Variants in LRRC27 observed in about 807,000 individuals in gnomAD.
LRRC27 encodes leucine-rich repeat-containing protein 27.
LRRC27 carries 57 observed loss-of-function variants against 55.0 expected under a neutral mutation model. The observed-to-expected ratio is 1.04, with a 90% confidence interval of 0.84 to 1.29. The LOEUF (loss-of-function observed/expected upper bound fraction) is 1.29. Ranked by LOEUF, LRRC27 falls within the 50% of genes most tolerant of loss-of-function variation. LRRC27 has a pLI of 0.00. For synonymous variants in LRRC27, 278 were observed against 251.9 expected (o/e 1.10, Z -0.98); for missense variants, 721 against 651.5 (o/e 1.11, Z -1.16).
intron 9 of LRRC27, among the ~76,000 whole-genome samples, chr10:132,362,669 CACCA>C (rs2068683271): frequency 7.9e-6 from 1 of 125,880 alleles, no homozygotes; most frequent in South Asian, 2.9e-4. Context: ...TCTCACCTCA[CACCA>C]GCTCGGGGGG....
At chr10:132,362,084 G>T (rs1377764749) in intron 9 of LRRC27, among the ~76,000 whole-genome samples, 1 of 152,230 alleles carries the variant, frequency 6.6e-6, no homozygotes, top group Non-Finnish European at 1.5e-5. Context: ...GTTGACCCAG[G>T]TGAAGGGGAC....
intron 2 of LRRC27, chr10:132,335,061 A>C (rs1368143541): frequency 6.6e-6 from 1 of 152,222 alleles, no homozygotes; most frequent in African/African-American, 2.4e-5. Context: ...GAAAGATGGA[A>C]TTTGTATTGT....
intron 9 of LRRC27, among the ~76,000 whole-genome samples, chr10:132,363,258 C>T (rs1282076723): frequency 6.6e-6 from 1 of 151,188 alleles, no homozygotes; most frequent in Non-Finnish European, 1.5e-5. Context: ...CATGAACCCT[C>T]TCACCTCACA....
chr10:132,363,838 C>A (rs998823829), intron 9 of LRRC27, among the ~76,000 whole-genome samples: 1 of 152,080 alleles, frequency 6.6e-6, no homozygotes, highest in African/African-American at 2.4e-5. Flanking sequence ...ATGTGGGTGA[C>A]AAAGGGCATG....
chr10:132,367,047 G>C (rs1323110189), intron 10 of LRRC27: 1 of 1,060,836 alleles, frequency 9.4e-7, no homozygotes. Context: ...CCCAAACCCT[G>C]CCTCTTAGGG....
intron 5 of LRRC27, among the ~76,000 whole-genome samples, chr10:132,347,039 T>C (rs988431880): frequency 2.0e-5 from 3 of 152,120 alleles, no homozygotes; most frequent in Non-Finnish European, 4.4e-5. Context: ...GGCCAATAGG[T>C]CCCAGTGGCT....
chr10:132,343,301 C>G (rs1015901115), intron 4 of LRRC27, among the ~76,000 whole-genome samples: 1 of 151,972 alleles, frequency 6.6e-6, no homozygotes, highest in Non-Finnish European at 1.5e-5. Flanking sequence ...GACAACAGGG[C>G]GAGACCCTCT....
In LRRC27 at chr10:132,380,531, C is replaced by T. The variant is rs572177155; in HGVS notation, c.*5289C>T. On this transcript the variant is annotated 3_prime_UTR_variant, in exon 11 of 11. Coordinates refer to ENST00000368614, the MANE Select transcript of LRRC27 (RefSeq NM_030626.3). ...TGTTTTAACTGGACATGGTGGCACA[C>T]GCCTGCAGTCCCAGCTACTCAGGAG... is the stretch of plus-strand genomic sequence containing the variant. Among the ~76,000 whole-genome samples, 5 of 151,674 alleles carry T rather than the reference C, an allele frequency of 3.3e-5. No homozygotes were observed. The highest frequency in any genetic ancestry group is 1.9e-4 in the East Asian group (1 of 5,142).
At chr10:132,375,031 C>T in intron 10 of LRRC27, 35 bp from the exon 11 acceptor site, 2 of 1,587,032 alleles carry the variant, frequency 1.3e-6, no homozygotes, top group Middle Eastern at 2.2e-4. Context: ...TCCTGCCAGC[C>T]TTTCTAACAT....
At chr10:132,339,767 G>C (rs1411058756) in intron 3 of LRRC27, among the ~76,000 whole-genome samples, 2 of 152,246 alleles carry the variant, frequency 1.3e-5, no homozygotes, top group Admixed American at 6.5e-5. Flanking sequence ...TGGAGAGTAA[G>C]TGCTACTCAG....
chr10:132,333,857 A>C (rs1341813457), intron 2 of LRRC27, 123 bp downstream of exon 2: 1 of 759,698 alleles, frequency 1.3e-6, no homozygotes, highest in African/African-American at 1.8e-5. Flanking sequence ...CTAAAATTAA[A>C]TAGAGGAAAG....
chr10:132,368,597 T>A (rs1398619057), intron 10 of LRRC27, among the ~76,000 whole-genome samples: 1 of 152,114 alleles, frequency 6.6e-6, no homozygotes, highest in Non-Finnish European at 1.5e-5. Context: ...CTGGAACAAC[T>A]GCCAAAAACA....
In LRRC27 at chr10:132,372,339, G is replaced by C. The variant is rs189004041; in HGVS notation, c.1417-2727G>C. Among the ~76,000 whole-genome samples, 1,122 of 152,288 alleles carry C rather than the reference G, an allele frequency of 7.4e-3. 7 individuals carry two copies. Among genetic ancestry groups the C allele is most frequent in the Non-Finnish European group, 0.012 (824 of 67,994 alleles). The stretch of plus-strand genomic sequence containing the variant: ...CCCAGCACTTTGGGAGGCCAAGGCA[G>C]GTGAATCACCTGAGGTCAGGAGTTT... On this transcript the variant is annotated intron_variant, in intron 10 of 10. Coordinates refer to ENST00000368614, the MANE Select transcript of LRRC27 (RefSeq NM_030626.3). The surrounding 1 kb of genome is among the most constrained non-coding windows in gnomAD (Gnocchi z 4.0).
rs543544323 is a variant in LRRC27, at chr10:132,370,980, C to T, written c.1417-4086C>T. 1.8e-4 allele frequency among the ~76,000 whole-genome samples: 28 copies of T among 152,376 alleles called. No individual in the cohort carries two copies. The South Asian group carries it at 4.3e-3, about 24-fold the overall frequency. ...GCAAACCCCGCAGCAGCGTTAGAGA[C>T]GAGTCCTGGCTCCGTGGCTGTGTGG... On this transcript the variant is annotated intron_variant, in intron 10 of 10. Transcript: ENST00000368614.
chr10:132,377,135 T>C lies in LRRC27; in HGVS notation c.*1893T>C, dbSNP rs2133119492. On this transcript the variant is annotated 3_prime_UTR_variant, in exon 11 of 11. Coordinates refer to ENST00000368614, the MANE Select transcript of LRRC27 (RefSeq NM_030626.3). ...TTTCATAATGCATCTTCTTCCCTCC[T>C]TCTACTGTACTGGATTTAAAGCGCA... The C allele has an allele frequency of 6.6e-6, 1 of 152,328 alleles. No homozygotes were observed. The highest frequency in any genetic ancestry group is 1.5e-5 in the Non-Finnish European group (1 of 68,016). 9.4% of individuals were successfully genotyped at this position (152,328 alleles called of 1,614,324 possible).
At chr10:132,351,991 C>G (rs1490056189) in intron 7 of LRRC27, among the ~76,000 whole-genome samples, 1 of 149,024 alleles carries the variant, frequency 6.7e-6, no homozygotes, top group Non-Finnish European at 1.5e-5. Flanking sequence ...GTGGGGCAGG[C>G]GCAGGTGCAG....
rs1447266106 is a variant in LRRC27 at position 132,348,961 on chromosome 10, A to G, written c.926+605A>G. 1 of 1,600,350 alleles carries G rather than the reference A, an allele frequency of 6.2e-7. No homozygotes were observed. The highest frequency in any genetic ancestry group is 8.5e-7 in the Non-Finnish European group (1 of 1,172,472). ...GAGATTTTATTTTCCTTTCACACCC[A>G]GGACAAGGGTCCCTAGGAAACAGGC... On this transcript the variant is annotated intron_variant, in intron 6 of 10. Transcript: ENST00000368614. This position sits in a 1 kb window ranked among gnomAD's most constrained non-coding sequence, Gnocchi z 4.2.
intron 9 of LRRC27, among the ~76,000 whole-genome samples, chr10:132,364,926 C>G: frequency 7.0e-6 from 1 of 142,740 alleles, no homozygotes. Context: ...CTCTTTCTAC[C>G]ACCCTGAGTC....
chr10:132,368,224 G>A (rs2069140885), intron 10 of LRRC27, among the ~76,000 whole-genome samples: 1 of 152,182 alleles, frequency 6.6e-6, no homozygotes, highest in South Asian at 2.1e-4. Context: ...CCATGTTCAT[G>A]GATAGGAAGA....
Sources: gnomAD v4.1 joint callset for allele counts (sites outside exome capture counted in the v4.1 genomes callset) on GRCh38, gnomAD v4.1.1 for gene constraint, Gnocchi (gnomAD v3.1) non-coding constraint, MANE v1.5 for transcripts, NCBI Gene and HGNC (gene_info 2026-07-23, HGNC 2026-07-21) for gene names.